The following NIBAN1 variants were observed in gnomAD, a reference collection of about 807,000 sequenced individuals.
NIBAN1 encodes niban apoptosis regulator 1, also known as protein Niban 1.
A neutral mutation model predicts 75.1 loss-of-function variants in NIBAN1; 81 were observed. The ratio of observed to expected loss-of-function variants is 1.08; its 90% CI spans 0.90 to 1.30. The LOEUF is 1.30. Among genes scored for constraint, NIBAN1 ranks in the 50% most tolerant of loss-of-function variants. NIBAN1 has a pLI of 0.00. For missense variants in NIBAN1, 1,133 were observed against 1,128.1 expected (o/e 1.00, Z -0.06); for synonymous variants, 436 against 424.8 (o/e 1.03, Z -0.32).
At chr1:184,961,163 G>T (rs1658631661) in intron 1 of NIBAN1, among the ~76,000 whole-genome samples, 1 of 146,118 alleles carries the variant, frequency 6.8e-6, no homozygotes, top group Admixed American at 7.0e-5. Flanking sequence ...CCGCCTCCTG[G>T]GTTCACGCCA....
chr1:184,967,127 T>C (rs1033096082), intron 1 of NIBAN1, among the ~76,000 whole-genome samples: 5 of 152,188 alleles, frequency 3.3e-5, no homozygotes, highest in African/African-American at 1.2e-4. Context: ...GTTTTTAAAA[T>C]GAATTTTCCA....
intron 4 of NIBAN1, among the ~76,000 whole-genome samples, chr1:184,885,235 G>C (rs1430134053): frequency 1.3e-5 from 2 of 152,114 alleles, no homozygotes; most frequent in Non-Finnish European, 2.9e-5. Flanking sequence ...TTTTAGTAGA[G>C]ACAGGGTTTC....
chr1:184,829,356 C>T (rs116494709), intron 6 of NIBAN1, among the ~76,000 whole-genome samples: 3,429 of 151,914 alleles, frequency 0.023, 116 homozygotes, highest in African/African-American at 0.077. Context: ...TGGCAAGGGA[C>T]GAGTCATTTC....
chr1:184,829,746 GTGAGCCACTGCGCC>G (rs1654946710), intron 6 of NIBAN1, among the ~76,000 whole-genome samples: 2 of 152,112 alleles, frequency 1.3e-5, no homozygotes, highest in South Asian at 4.1e-4. Context: ...GATTACAAGC[GTGAGCCACTGCGCC>G]TGGCCTAAAT....
intron 1 of NIBAN1, among the ~76,000 whole-genome samples, chr1:184,918,686 T>G (rs1657454383): frequency 6.6e-6 from 1 of 152,204 alleles, no homozygotes; most frequent in Non-Finnish European, 1.5e-5. Context: ...GAATTAATTG[T>G]TCCCTTTTCT....
intron 1 of NIBAN1, among the ~76,000 whole-genome samples, chr1:184,916,277 A>G (rs574173755): frequency 2.8e-4 from 43 of 152,358 alleles, no homozygotes; most frequent in African/African-American, 9.6e-4. Flanking sequence ...GGGGAACGAA[A>G]AAATGGTAAT....
Position 184,806,367 on chromosome 1 carries a change from G to A in NIBAN1, c.1336-311C>T, listed in dbSNP as rs151079303. Reference sequence around the variant, plus strand: ...CCACTGATTAAGGGATGAGGCTGGAGCCTTCTTCAACTAGTTTTTGGTGGC... The same window carrying A: ...CCACTGATTAAGGGATGAGGCTGGAACCTTCTTCAACTAGTTTTTGGTGGC... On this transcript the variant is annotated intron_variant, in intron 10 of 13. Coordinates refer to ENST00000367511, the MANE Select transcript of NIBAN1 (RefSeq NM_052966.4). Among the ~76,000 whole-genome samples, 299 of 152,294 alleles carry A rather than the reference G, an allele frequency of 2.0e-3. 3 individuals carry two copies. The highest frequency in any genetic ancestry group is 7.0e-3 in the African/African-American group (291 of 41,544).
intron 3 of NIBAN1, among the ~76,000 whole-genome samples, chr1:184,891,953 A>G (rs234666): frequency 0.035 from 5,347 of 152,328 alleles, 313 homozygotes; most frequent in African/African-American, 0.12. Context: ...ATATCTTAAC[A>G]ATTTGAACAG....
At chr1:184,932,671 T>C (rs77836624) in intron 1 of NIBAN1, among the ~76,000 whole-genome samples, 336 of 152,308 alleles carry the variant, frequency 2.2e-3, no homozygotes, top group African/African-American at 7.4e-3. Context: ...TGGAAAGTCA[T>C]AGGCTCACAT....
chr1:184,807,569 C>G lies in NIBAN1; in HGVS notation c.1335+505G>C, dbSNP rs538943705. On this transcript the variant is annotated intron_variant, in intron 10 of 13. Transcript: ENST00000367511. ...TTGGGAGGCCGAGGTGGGCAGTTCACTTGAGGTCAAGAGTTTGAGACCAGC... is the reference window on the plus strand; with the variant it reads ...TTGGGAGGCCGAGGTGGGCAGTTCAGTTGAGGTCAAGAGTTTGAGACCAGC... Among the ~76,000 whole-genome samples, 4 of 152,260 alleles carry G rather than the reference C, an allele frequency of 2.6e-5. No homozygotes were observed. In the South Asian group the frequency reaches 8.3e-4, roughly 32 times the overall value.
intron 5 of NIBAN1, among the ~76,000 whole-genome samples, chr1:184,852,080 G>A (rs1655556608): frequency 6.6e-6 from 1 of 152,076 alleles, no homozygotes; most frequent in Admixed American, 6.5e-5. Flanking sequence ...CCTTAGGACG[G>A]GCAGAGCTCA....
At chr1:184,884,572 A>G in intron 5 of NIBAN1, 61 bp downstream of exon 5, 1 of 1,595,146 alleles carries the variant, frequency 6.3e-7, no homozygotes, top group East Asian at 2.2e-5. Context: ...ATGGACCAGA[A>G]CAACTCAGCG....
chr1:184,808,015 A>G, intron 10 of NIBAN1, 59 bp downstream of exon 10: 2 of 1,594,454 alleles, frequency 1.3e-6, no homozygotes, highest in African/African-American at 1.3e-5. Flanking sequence ...ACTGGCCAGC[A>G]CCCATTTCTC....
At chr1:184,825,953 T>C (rs1458013780) in intron 6 of NIBAN1, among the ~76,000 whole-genome samples, 1 of 152,220 alleles carries the variant, frequency 6.6e-6, no homozygotes, top group Non-Finnish European at 1.5e-5. Context: ...AAATTATGCT[T>C]TGGGAATTAA....
In NIBAN1 at chr1:184,900,466, C is replaced by T. The variant is rs116203197; in HGVS notation, c.56-1157G>A. On this transcript the variant is annotated intron_variant, in intron 1 of 13. Transcript: ENST00000367511. ...ATGCCATTGAAATATAAGTACAGTACGAAAGTCCAGCTGCCTCACAATGAC... is the reference window on the plus strand; with the variant it reads ...ATGCCATTGAAATATAAGTACAGTATGAAAGTCCAGCTGCCTCACAATGAC... 5.7e-3 allele frequency among the ~76,000 whole-genome samples: 874 copies of T among 152,258 alleles called. 6 individuals are homozygous for T. The highest frequency in any genetic ancestry group is 0.019 in the African/African-American group (775 of 41,542).
At chr1:184,926,777 C>T (rs1657696296) in intron 1 of NIBAN1, among the ~76,000 whole-genome samples, 8 of 152,172 alleles carry the variant, frequency 5.3e-5, no homozygotes, top group Admixed American at 5.2e-4. Context: ...TCTACCTCCT[C>T]TTTAAGGCCA....
chr1:184,795,486 G>T lies in NIBAN1; in HGVS notation c.2278C>A (p.Pro760Thr). ...ACTTCACTTTCTTCACAGTTGTCGG[G>T]GTGGATGGCAGCTGCCTGACTGGGC... ...KEPSQAAAIH[P>T]DNCEESEVSE... is the part of the protein sequence containing the mutation. The change falls in exon 14 of 14, where the codon CCC becomes ACC. Residue 760 changes from proline to threonine, a missense_variant. Coordinates refer to ENST00000367511, the MANE Select transcript of NIBAN1 (RefSeq NM_052966.4). 1 of 1,613,106 alleles carries T rather than the reference G, an allele frequency of 6.2e-7. No homozygotes were observed. Among genetic ancestry groups the T allele is most frequent in the Non-Finnish European group, 8.5e-7 (1 of 1,179,654 alleles).
At chr1:184,829,178 C>T (rs1431175513) in intron 6 of NIBAN1, among the ~76,000 whole-genome samples, 2 of 152,070 alleles carry the variant, frequency 1.3e-5, no homozygotes, top group East Asian at 3.9e-4. Flanking sequence ...TTTTGTTTTG[C>T]TTTCCCACTT....
intron 1 of NIBAN1, among the ~76,000 whole-genome samples, chr1:184,958,943 T>C (rs1247802941): frequency 6.6e-6 from 1 of 152,228 alleles, no homozygotes; most frequent in Non-Finnish European, 1.5e-5. Flanking sequence ...TAGGCAATTT[T>C]TCCTGTATAA....
Sources: allele counts gnomAD v4.1 joint callset (sites outside exome capture counted in the v4.1 genomes callset), GRCh38; gene constraint gnomAD v4.1.1; transcripts MANE v1.5; gene names NCBI Gene and HGNC (gene_info 2026-07-23, HGNC 2026-07-21).